VWDE: variants seen among roughly 807,000 people sequenced by gnomAD.
The protein encoded by VWDE is von Willebrand factor D and EGF domain-containing protein.
VWDE carries 207 observed loss-of-function variants against 178.4 expected under a neutral mutation model. The ratio of observed to expected loss-of-function variants is 1.16; its 90% CI spans 1.04 to 1.30. The LOEUF (loss-of-function observed/expected upper bound fraction) is 1.30. Among genes scored for constraint, VWDE ranks in the 50% most tolerant of loss-of-function variants. The probability of loss-of-function intolerance (pLI) is 0.00; values close to 1 mark genes in which losing one functional copy is unlikely to be tolerated. For missense variants in VWDE, 2,287 were observed against 1,901.3 expected (o/e 1.20, Z -3.77); for synonymous variants, 738 against 651.4 (o/e 1.13, Z -2.02).
chr7:12,368,579 T>C (rs187863665), intron 12 of VWDE, among the ~76,000 whole-genome samples: 109 of 152,196 alleles, frequency 7.2e-4, no homozygotes, highest in African/African-American at 2.5e-3. Flanking sequence ...GCTAGATGAA[T>C]TCAGTGAGAG....
chr7:12,378,601 G>T (rs1052516718), intron 6 of VWDE, among the ~76,000 whole-genome samples: 1 of 152,132 alleles, frequency 6.6e-6, no homozygotes, highest in African/African-American at 2.4e-5. Flanking sequence ...GTACAAGGGT[G>T]GGGGTGCTGA....
chr7:12,388,940 C>T, intron 3 of VWDE, 187 bp downstream of exon 3: 1 of 712,364 alleles, frequency 1.4e-6, no homozygotes. Flanking sequence ...GGGGACTTTA[C>T]AATCTTGGCA....
chr7:12,333,915 T>C (rs1309382195), intron 27 of VWDE, among the ~76,000 whole-genome samples: 1 of 152,194 alleles, frequency 6.6e-6, no homozygotes, highest in East Asian at 1.9e-4. Context: ...ATCTATAATT[T>C]ACTTTTTAAC....
At chr7:12,340,251 T>G in intron 24 of VWDE, 71 bp downstream of exon 24, 2 of 1,207,740 alleles carry the variant, frequency 1.7e-6, no homozygotes, top group African/African-American at 1.5e-5. Context: ...ACTTGTCTCA[T>G]GTTTACTCAG....
At chr7:12,390,120 G>A (rs562327978) in intron 2 of VWDE, among the ~76,000 whole-genome samples, 139 of 148,756 alleles carry the variant, frequency 9.3e-4, no homozygotes, top group Non-Finnish European at 1.7e-3. Flanking sequence ...AGCTGAGATC[G>A]CACCACTGCA....
At chr7:12,373,806 T>C (rs1444920583) in intron 9 of VWDE, among the ~76,000 whole-genome samples, 1 of 152,158 alleles carries the variant, frequency 6.6e-6, no homozygotes. Context: ...TCTTGTTGAA[T>C]TGTCAGATTA....
In VWDE at chr7:12,361,141, A is replaced by G; in HGVS notation, c.3159+6T>C. Reference sequence around the variant, plus strand: ...AAATGTGAAAATACATGAAAAAAATACATACCTTTATAGTACATGAGTCAT... The same window carrying G: ...AAATGTGAAAATACATGAAAAAAATGCATACCTTTATAGTACATGAGTCAT... On this transcript the variant is annotated splice_donor_region_variant and intron_variant, in intron 15 of 28. Coordinates refer to ENST00000275358, the MANE Select transcript of VWDE (RefSeq NM_001135924.3). The G allele has an allele frequency of 6.8e-7, 1 of 1,474,930 alleles. No homozygotes were observed. Among genetic ancestry groups the G allele is most frequent in the Non-Finnish European group, 9.2e-7 (1 of 1,085,264 alleles). The allele number at this position is 1,474,930 out of a possible 1,614,324, so 91.4% of individuals were successfully genotyped here. A position where few individuals can be genotyped will look rare whatever the true frequency, so the allele number is the denominator to read the frequency against.
intron 10 of VWDE, among the ~76,000 whole-genome samples, chr7:12,372,222 T>C (rs887757146): frequency 1.3e-5 from 2 of 152,072 alleles, no homozygotes; most frequent in African/African-American, 4.8e-5. Context: ...GATTATACAT[T>C]AGTGATGCAT....
At chr7:12,379,079 A>G (rs538338442) in intron 6 of VWDE, among the ~76,000 whole-genome samples, 95 of 152,272 alleles carry the variant, frequency 6.2e-4, no homozygotes, top group African/African-American at 2.3e-3. Context: ...CAATCTTTGC[A>G]GTCCATAAAA....
At chr7:12,346,616 C>A (rs1350918482) in intron 19 of VWDE, among the ~76,000 whole-genome samples, 1 of 134,292 alleles carries the variant, frequency 7.4e-6, no homozygotes, top group Non-Finnish European at 1.6e-5. Flanking sequence ...ATCTTTTTGG[C>A]GGGGGCGGGG....
rs10233068 is a variant in VWDE, at chr7:12,393,584, G to A, written c.243+10C>T. 6.0e-3 allele frequency: 9,156 copies of A among 1,531,850 alleles called. 443 individuals are homozygous for A. In the African/African-American group the frequency reaches 0.11, roughly 18 times the overall value. 94.9% of individuals were successfully genotyped at this position (1,531,850 alleles called of 1,614,324 possible). A position where few individuals can be genotyped will look rare whatever the true frequency, so the allele number is the denominator to read the frequency against. ...GAAAATAACATGCAGTACTTAGGGA[G>A]TTGACATACCTCAACACATTTGGTT... On this transcript the variant is annotated intron_variant, in intron 2 of 28. Coordinates refer to ENST00000275358, the MANE Select transcript of VWDE (RefSeq NM_001135924.3).
At chr7:12,345,895 C>T (rs2110803) in intron 19 of VWDE, among the ~76,000 whole-genome samples, 99,357 of 151,966 alleles carry the variant, frequency 0.65, 33,498 homozygotes, top group African/African-American at 0.84. Flanking sequence ...TTGATAGTAG[C>T]GGGAGTAGGA....
intron 3 of VWDE, among the ~76,000 whole-genome samples, chr7:12,387,488 T>C (rs1784159344): frequency 6.6e-6 from 1 of 152,038 alleles, no homozygotes; most frequent in Non-Finnish European, 1.5e-5. Context: ...ATTCCAAAGC[T>C]ATGACGAGCA....
At chr7:12,360,644 TAAG>T (rs1308833899) in intron 15 of VWDE, among the ~76,000 whole-genome samples, 1 of 152,140 alleles carries the variant, frequency 6.6e-6, no homozygotes, top group Non-Finnish European at 1.5e-5. Context: ...GGATATAGAC[TAAG>T]AAGAAGTTGT....
intron 1 of VWDE, among the ~76,000 whole-genome samples, chr7:12,394,059 A>G (rs980750473): frequency 1.1e-4 from 16 of 152,164 alleles, no homozygotes; most frequent in African/African-American, 3.9e-4. Context: ...CGAACAACCA[A>G]TAGAGCTGGC....
intron 21 of VWDE, 55 bp from the exon 22 acceptor site, chr7:12,343,233 T>C: frequency 7.8e-7 from 1 of 1,282,936 alleles, no homozygotes; most frequent in Admixed American, 2.1e-5. Context: ...AAAGTCAGTT[T>C]ATATTTATAA....
chr7:12,357,393 A>G lies in VWDE; in HGVS notation c.3397T>C (p.Ser1133Pro). The change falls in exon 17 of 29, where the codon TCT (serine) becomes CCT (proline). Residue 1133 changes from serine (S) to proline (P), a missense_variant. Physicochemically the swap from Ser to Pro is moderately conservative, Grantham distance 74. Coordinates refer to ENST00000275358, the MANE Select transcript of VWDE (RefSeq NM_001135924.3). ...GAAACACTTGCCCCTTCAGGACCAGAGTCCAACGTAAAATGGATGTCAGAA... is the reference window on the plus strand; with the variant it reads ...GAAACACTTGCCCCTTCAGGACCAGGGTCCAACGTAAAATGGATGTCAGAA... ...EGSDIHFTLDSGPEGASVSSA... is the reference protein window; with the variant it reads ...EGSDIHFTLDPGPEGASVSSA... 2 of 1,551,940 alleles carry G rather than the reference A, an allele frequency of 1.3e-6. No homozygotes were observed. The highest frequency in any genetic ancestry group is 1.7e-6 in the Non-Finnish European group (2 of 1,147,050).
At chr7:12,361,084 C>T in intron 15 of VWDE, 63 bp downstream of exon 15, 2 of 1,023,540 alleles carry the variant, frequency 2.0e-6, no homozygotes, top group South Asian at 1.7e-5. Flanking sequence ...TTAATGTGCC[C>T]ACAGCATAGG....
At chr7:12,350,439 C>T (rs1781865754) in intron 19 of VWDE, among the ~76,000 whole-genome samples, 1 of 151,776 alleles carries the variant, frequency 6.6e-6, no homozygotes, top group Admixed American at 6.6e-5. Flanking sequence ...CATTTAAAAC[C>T]CACTCCCAAT....
Sources: gnomAD v4.1 joint callset for allele counts (sites outside exome capture counted in the v4.1 genomes callset) on GRCh38, gnomAD v4.1.1 for gene constraint, MANE v1.5 for transcripts, NCBI Gene and HGNC (gene_info 2026-07-23, HGNC 2026-07-21) for gene names.